ATF3: variants seen among roughly 807,000 people sequenced by gnomAD.
ATF3 encodes the protein cyclic AMP-dependent transcription factor ATF-3.
A neutral mutation model predicts 18.4 loss-of-function variants in ATF3; 10 were observed. The observed-to-expected ratio is 0.54, with a 90% CI of 0.34 to 0.92. ATF3 has a LOEUF of 0.92. Ranked by LOEUF, ATF3 falls within the 40% of genes least tolerant of loss-of-function variation. The pLI is 0.02. For missense variants in ATF3, 183 were observed against 222.3 expected (o/e 0.82, Z 1.12); for synonymous variants, 78 against 87.9 (o/e 0.89, Z 0.63).
At chr1:212,570,252 AT>A (rs945303289) in intron 1 of ATF3, among the ~76,000 whole-genome samples, 1 of 151,450 alleles carries the variant, frequency 6.6e-6, no homozygotes, top group Non-Finnish European at 1.5e-5. Flanking sequence ...GAATCTGTCA[AT>A]TTTTTTTTCT....
chr1:212,607,473 A>G (rs1438303925), upstream of ATF3, among the ~76,000 whole-genome samples: 2 of 152,206 alleles, frequency 1.3e-5, no homozygotes, highest in Non-Finnish European at 2.9e-5. Context: ...GGGAATAAGA[A>G]CCAGGAAATC....
chr1:212,611,837 G>T (rs1463355643), intron 1 of ATF3, among the ~76,000 whole-genome samples: 1 of 152,198 alleles, frequency 6.6e-6, no homozygotes, highest in Non-Finnish European at 1.5e-5. Flanking sequence ...CATGATTTCT[G>T]ATTGGAAATA....
chr1:212,571,771 G>A (rs1198643208), intron 1 of ATF3, among the ~76,000 whole-genome samples: 1 of 148,612 alleles, frequency 6.7e-6, no homozygotes, highest in African/African-American at 2.5e-5. Flanking sequence ...GAGTGCAGTG[G>A]TGCAATCTCG....
chr1:212,598,231 C>T (rs188154838), intron 1 of ATF3, among the ~76,000 whole-genome samples: 2,090 of 152,186 alleles, frequency 0.014, 19 homozygotes, highest in Non-Finnish European at 0.023. Flanking sequence ...TTCTTTATTT[C>T]CCTTATTCTA....
At chr1:212,589,617 AG>A (rs1240565827) in intron 1 of ATF3, among the ~76,000 whole-genome samples, 3 of 151,714 alleles carry the variant, frequency 2.0e-5, no homozygotes, top group Non-Finnish European at 4.4e-5. Context: ...AGGAAGGTGG[AG>A]GTGGCAGTGA....
At chr1:212,613,670 C>A (rs1433014983) in intron 1 of ATF3, 3 of 152,174 alleles carry the variant, frequency 2.0e-5, no homozygotes, top group Non-Finnish European at 4.4e-5. Context: ...TGCTAATGAC[C>A]ACAGATCCCC....
intron 2 of ATF3, 30 bp downstream of exon 2, chr1:212,615,291 C>G: frequency 6.2e-7 from 1 of 1,609,822 alleles, no homozygotes; most frequent in Non-Finnish European, 8.5e-7. Context: ...TTCATTCTTT[C>G]GGCACATGTT....
intron 1 of ATF3, among the ~76,000 whole-genome samples, chr1:212,600,534 T>C (rs993242687): frequency 9.8e-5 from 15 of 152,372 alleles, no homozygotes; most frequent in African/African-American, 3.6e-4. Flanking sequence ...AGGACAGAGA[T>C]GAGCAGGGCA....
chr1:212,614,993 G>A, intron 1 of ATF3, 25 bp from the exon 2 acceptor site: 4 of 1,614,194 alleles, frequency 2.5e-6, no homozygotes, highest in Non-Finnish European at 3.4e-6. Flanking sequence ...CCCTGAAACA[G>A]TTTGGGTTTC....
chr1:212,614,949 TG>T, intron 1 of ATF3, 68 bp from the exon 2 acceptor site: 1 of 1,613,400 alleles, frequency 6.2e-7, no homozygotes, highest in Non-Finnish European at 8.5e-7. Context: ...GGAGGTCTGG[TG>T]GGGGAGGGGG....
chr1:212,618,932 A>T lies in ATF3; in HGVS notation c.349-426A>T. 7.1e-7 allele frequency: 1 copy of T among 1,400,162 alleles called. No individual in the cohort carries two copies. The highest frequency in any genetic ancestry group is 1.2e-5 in the South Asian group (1 of 84,300). 86.7% of individuals were successfully genotyped at this position (1,400,162 alleles called of 1,614,324 possible). ...GTTGATTGCTTCAGGGGATCAGTGA[A>T]AATTAGGGAATTTTGTGTGTTGCTA... On this transcript the variant is annotated intron_variant, in intron 3 of 3. Transcript: ENST00000341491. This position sits in a 1 kb window ranked among gnomAD's most constrained non-coding sequence, Gnocchi z 4.4.
chr1:212,612,803 A>C (rs1467841480), intron 1 of ATF3, among the ~76,000 whole-genome samples: 1 of 152,134 alleles, frequency 6.6e-6, no homozygotes, highest in African/African-American at 2.4e-5. Context: ...TTCTATTCAG[A>C]AGCCTTTGAG....
At chr1:212,617,701 G>A (rs576472728) in intron 2 of ATF3, among the ~76,000 whole-genome samples, 1 of 152,288 alleles carries the variant, frequency 6.6e-6, no homozygotes, top group South Asian at 2.1e-4. Flanking sequence ...GAAGAGGCCG[G>A]GAGTGGGTGG....
chr1:212,574,602 A>G (rs1318674865), intron 1 of ATF3, among the ~76,000 whole-genome samples: 2 of 152,128 alleles, frequency 1.3e-5, no homozygotes, highest in East Asian at 3.9e-4. Flanking sequence ...TCTGCACTTG[A>G]TGATAATGAG....
chr1:212,585,793 G>GGT (rs10622913), intron 1 of ATF3, among the ~76,000 whole-genome samples: 33,482 of 151,186 alleles, frequency 0.22, 3,948 homozygotes, highest in Middle Eastern at 0.27. Flanking sequence ...CTCAGTTCTA[G>GGT]GTGTGTGTGT....
intron 2 of ATF3, 31 bp downstream of exon 2, chr1:212,615,292 G>C: frequency 6.2e-7 from 1 of 1,609,386 alleles, no homozygotes; most frequent in Non-Finnish European, 8.5e-7. Context: ...TCATTCTTTC[G>C]GCACATGTTT....
In ATF3 at chr1:212,619,215, C is replaced by T; in HGVS notation, c.349-143C>T. On this transcript the variant is annotated intron_variant, in intron 3 of 3. Transcript: ENST00000341491. This position sits in a 1 kb window ranked among gnomAD's most constrained non-coding sequence, Gnocchi z 4.4. ...GCATTTTCCTAAACCCAGTGCTGCTCTCCCATCTCCCATCTTCCTCTCGCA... is the reference window on the plus strand; with the variant it reads ...GCATTTTCCTAAACCCAGTGCTGCTTTCCCATCTCCCATCTTCCTCTCGCA... 2 of 1,610,082 alleles carry T rather than the reference C, an allele frequency of 1.2e-6. No homozygotes were observed. Among genetic ancestry groups the T allele is most frequent in the Admixed American group, 1.7e-5 (1 of 59,650 alleles).
Position 212,615,046 on chromosome 1 carries a change from G to T in ATF3, c.25G>T (p.Val9Phe). The change falls in exon 2 of 4, where the codon GTC (valine) becomes TTC (phenylalanine). Residue 9 changes from valine to phenylalanine, a missense_variant. Coordinates refer to ENST00000341491, the MANE Select transcript of ATF3 (RefSeq NM_001674.4). ...AATGATGCTTCAACACCCAGGCCAG[G>T]TCTCTGCCTCGGAAGTGAGTGCTTC... MMLQHPGQ[V>F]SASEVSASAI... 1 of 1,614,150 alleles carries T rather than the reference G, an allele frequency of 6.2e-7. No homozygotes were observed. Among genetic ancestry groups the T allele is most frequent in the Non-Finnish European group, 8.5e-7 (1 of 1,180,038 alleles).
At chr1:212,579,312 G>C (rs1438630737) in intron 1 of ATF3, among the ~76,000 whole-genome samples, 1 of 152,084 alleles carries the variant, frequency 6.6e-6, no homozygotes, top group Non-Finnish European at 1.5e-5. Context: ...GACTTCTGGA[G>C]CCTTTTTATT....
Sources: gnomAD v4.1 joint callset for allele counts (sites outside exome capture counted in the v4.1 genomes callset) on GRCh38, gnomAD v4.1.1 for gene constraint, Gnocchi (gnomAD v3.1) non-coding constraint, MANE v1.5 for transcripts, NCBI Gene and HGNC (gene_info 2026-07-23, HGNC 2026-07-21) for gene names.